Variants in ACYP2 observed in about 807,000 individuals in gnomAD.
ACYP2 encodes the protein acylphosphatase-2.
Under a neutral mutation model 11.2 loss-of-function variants are expected in ACYP2, and 12 were observed. The observed-to-expected ratio is 1.08, with a 90% CI of 0.69 to 1.74. The LOEUF (loss-of-function observed/expected upper bound fraction) is 1.74. Among genes scored for constraint, ACYP2 ranks in the 40% most tolerant of loss-of-function variants. The pLI, the probability that ACYP2 is intolerant of heterozygous loss-of-function variation, is 0.00. For missense variants in ACYP2, 134 were observed against 101.9 expected, an observed-to-expected ratio of 1.31 and a Z score of -1.35; for synonymous variants, 43 against 32.2, an observed-to-expected ratio of 1.33 and a Z score of -1.13.
At chr2:54,048,530 G>C (rs1236578290) in intron 2 of ACYP2, among the ~76,000 whole-genome samples, 1 of 152,080 alleles carries the variant, frequency 6.6e-6, no homozygotes, top group Non-Finnish European at 1.5e-5. Context: ...TTTTAGAGAT[G>C]ACAGTCTTGC....
At chr2:54,268,700 C>T (rs1275344126) in intron 6 of ACYP2, among the ~76,000 whole-genome samples, 1 of 150,866 alleles carries the variant, frequency 6.6e-6, no homozygotes, top group Non-Finnish European at 1.5e-5. Context: ...GTCCCAGCTA[C>T]TTGGGAGGCT....
intron 2 of ACYP2, among the ~76,000 whole-genome samples, chr2:54,045,809 C>G (rs897828457): frequency 1.3e-5 from 2 of 151,608 alleles, no homozygotes; most frequent in African/African-American, 4.8e-5. Flanking sequence ...GAGTGAGACT[C>G]TGTCCCAGAA....
intron 6 of ACYP2, among the ~76,000 whole-genome samples, chr2:54,211,747 G>A (rs961562079): frequency 6.6e-6 from 1 of 152,162 alleles, no homozygotes; most frequent in African/African-American, 2.4e-5. Context: ...TCTAAATGAT[G>A]TCTACCATTT....
At chr2:54,058,137 A>G (rs570898675) in intron 4 of ACYP2, among the ~76,000 whole-genome samples, 64 of 152,274 alleles carry the variant, frequency 4.2e-4, no homozygotes, top group South Asian at 1.0e-3. Flanking sequence ...TGGGTCTTTG[A>G]AGATAATTCA....
chr2:54,026,557 G>A (rs1303773555), intron 2 of ACYP2, among the ~76,000 whole-genome samples: 6 of 116,912 alleles, frequency 5.1e-5, no homozygotes, highest in Non-Finnish European at 1.1e-4. Context: ...CCCATTACTG[G>A]GTATCTACCC....
chr2:54,256,023 G>A (rs756812265), intron 6 of ACYP2: 6 of 1,614,178 alleles, frequency 3.7e-6, no homozygotes, highest in Non-Finnish European at 5.1e-6. Context: ...TTGGCTCCAA[G>A]CGGCCATCAA....
chr2:54,077,972 CT>C (rs61532843), intron 4 of ACYP2, among the ~76,000 whole-genome samples: 53,340 of 143,690 alleles, frequency 0.37, 10,310 homozygotes, highest in East Asian at 0.68. Context: ...TTCTTTCTTT[CT>C]TTTTTTTTTT....
At chr2:54,157,614 A>G (rs1432435042) in intron 6 of ACYP2, among the ~76,000 whole-genome samples, 1 of 152,232 alleles carries the variant, frequency 6.6e-6, no homozygotes, top group Admixed American at 6.5e-5. Context: ...AGGTACTAGA[A>G]TTCAGCAGTG....
rs528167818 is a variant in ACYP2 at position 54,119,707 on chromosome 2, G to A, written c.278-15746G>A. On this transcript the variant is annotated intron_variant, in intron 4 of 6. Coordinates refer to ENST00000607452, the MANE Select transcript of ACYP2 (RefSeq NM_001320586.2). ...TCCAACCAAAAATGATGTGTTGTTA[G>A]TATAGGGACCGTACAACTGGTTTAA... Among the ~76,000 whole-genome samples the A allele has an allele frequency of 5.3e-5, 8 of 152,338 alleles. No homozygotes were observed. In the East Asian group the frequency reaches 1.2e-3, roughly 22 times the overall value.
intron 2 of ACYP2, among the ~76,000 whole-genome samples, chr2:53,978,611 G>T (rs1037883579): frequency 1.3e-5 from 2 of 152,070 alleles, no homozygotes; most frequent in African/African-American, 4.8e-5. Context: ...ACAGGCTGGG[G>T]GTAGTGGCTC....
In ACYP2 at chr2:54,199,930, A is replaced by G. The variant is rs553689606; in HGVS notation, c.404+61182A>G. ...TCTGCCCTCTCTGGACGATCCACCA[A>G]CTGTGTGCAGTGAGCATCCATGCAG... On this transcript the variant is annotated intron_variant, in intron 6 of 6. Transcript: ENST00000607452. 3.9e-5 allele frequency among the ~76,000 whole-genome samples: 6 copies of G among 152,210 alleles called. No homozygotes were observed. In the South Asian group the frequency reaches 1.0e-3, roughly 26 times the overall value.
intron 2 of ACYP2, among the ~76,000 whole-genome samples, chr2:54,012,666 G>A (rs746615677): frequency 7.2e-5 from 11 of 152,176 alleles, no homozygotes; most frequent in South Asian, 2.1e-4. Flanking sequence ...TCTGTTACTC[G>A]TCTGATCTAC....
At position 54,168,909 on chromosome 2, in the gene ACYP2, G is replaced by C. The variant is rs1683117926; in HGVS notation, c.404+30161G>C. On this transcript the variant is annotated intron_variant, in intron 6 of 6. Coordinates refer to ENST00000607452, the MANE Select transcript of ACYP2 (RefSeq NM_001320586.2). Reference sequence around the variant, plus strand: ...TTTTAGTGCATGCTTTCACTTAAATGGCCTATAAAATAGACAACTGAGGTG... The same window carrying C: ...TTTTAGTGCATGCTTTCACTTAAATCGCCTATAAAATAGACAACTGAGGTG... Among the ~76,000 whole-genome samples the C allele has an allele frequency of 1.3e-5, 2 of 152,140 alleles. 1 individual carries two copies. The highest frequency in any genetic ancestry group is 1.3e-4 in the Admixed American group (2 of 15,272).
At chr2:54,239,277 G>C (rs1424466788) in intron 6 of ACYP2, among the ~76,000 whole-genome samples, 2 of 152,098 alleles carry the variant, frequency 1.3e-5, no homozygotes, top group Non-Finnish European at 2.9e-5. Context: ...GTCTCAAAGG[G>C]ATCCTGCCTG....
chr2:54,097,870 TTC>T (rs112622014), intron 4 of ACYP2, among the ~76,000 whole-genome samples: 52,304 of 135,920 alleles, frequency 0.38, 11,454 homozygotes, highest in East Asian at 0.73. Context: ...TTCTTTCTCT[TTC>T]TCTCTCTCTC....
chr2:54,183,739 G>C (rs1683848425), intron 6 of ACYP2, among the ~76,000 whole-genome samples: 1 of 152,004 alleles, frequency 6.6e-6, no homozygotes, highest in Non-Finnish European at 1.5e-5. Flanking sequence ...CTTGTCTATT[G>C]TAAGATGAAC....
At chr2:54,174,595 C>T (rs933724203) in intron 6 of ACYP2, among the ~76,000 whole-genome samples, 1 of 152,152 alleles carries the variant, frequency 6.6e-6, no homozygotes, top group Non-Finnish European at 1.5e-5. Context: ...GCATCCTTGT[C>T]TTGTGCTGGT....
At chr2:53,990,593 G>A (rs1161741838) in intron 2 of ACYP2, among the ~76,000 whole-genome samples, 2 of 145,550 alleles carry the variant, frequency 1.4e-5, no homozygotes, top group Admixed American at 7.0e-5. Context: ...AGTTTGCAGC[G>A]AGCCGAGATG....
chr2:54,011,403 C>A (rs1362138477), intron 2 of ACYP2, among the ~76,000 whole-genome samples: 1 of 152,108 alleles, frequency 6.6e-6, no homozygotes, highest in East Asian at 1.9e-4. Context: ...TGTTTGATGA[C>A]ATTTCAAAAG....
Sources: allele counts gnomAD v4.1 joint callset (sites outside exome capture counted in the v4.1 genomes callset), GRCh38; gene constraint gnomAD v4.1.1; transcripts MANE v1.5; gene names NCBI Gene and HGNC (gene_info 2026-07-23, HGNC 2026-07-21).